Variants in USP32 observed in about 807,000 individuals in gnomAD.
The protein encoded by USP32 is ubiquitin specific peptidase 32.
A neutral mutation model predicts 204.8 loss-of-function variants in USP32; 59 were observed. The observed-to-expected ratio is 0.29, with a 90% CI of 0.23 to 0.36. The LOEUF is 0.36. Ranked by LOEUF, USP32 falls within the 10% of genes least tolerant of loss-of-function variation. The pLI, the probability that USP32 is intolerant of heterozygous loss-of-function variation, is 1.00. For synonymous variants in USP32, 517 were observed against 678.4 expected, an observed-to-expected ratio of 0.76 and a Z score of 3.70; for missense variants, 1,160 against 1,946.4, an observed-to-expected ratio of 0.60 and a Z score of 7.60.
chr17:60,222,742 C>A (rs1009984094), intron 14 of USP32, among the ~76,000 whole-genome samples, 193 bp from the exon 15 acceptor site: 1 of 143,116 alleles, frequency 7.0e-6, no homozygotes, highest in Non-Finnish European at 1.5e-5. Context: ...AGTACAGTGG[C>A]GCGATCTTCG....
chr17:60,294,408 G>A (rs2145869417), intron 4 of USP32, among the ~76,000 whole-genome samples: 1 of 152,038 alleles, frequency 6.6e-6, no homozygotes, highest in Non-Finnish European at 1.5e-5. Context: ...GTGTGTGTGT[G>A]TATTACTGTG....
chr17:60,410,064 G>T (rs2090006533), intron 1 of USP32, among the ~76,000 whole-genome samples: 1 of 152,106 alleles, frequency 6.6e-6, no homozygotes. Context: ...TTAAAATTAT[G>T]GTTCAGAAGT....
intron 6 of USP32, 87 bp downstream of exon 6, chr17:60,271,263 T>TA: frequency 6.7e-7 from 1 of 1,501,506 alleles, no homozygotes; most frequent in Non-Finnish European, 9.0e-7. Context: ...GATGGTTTCT[T>TA]AGAGTTAAAA....
intron 13 of USP32, among the ~76,000 whole-genome samples, chr17:60,224,943 G>T (rs1361881608): frequency 1.3e-5 from 2 of 152,170 alleles, no homozygotes; most frequent in Non-Finnish European, 2.9e-5. Flanking sequence ...AAGGCCTAAA[G>T]GGAATTATGG....
At chr17:60,183,064 T>C (rs1309678191) in intron 31 of USP32, 101 bp downstream of exon 31, 1 of 1,476,200 alleles carries the variant, frequency 6.8e-7, no homozygotes. Context: ...GATAGGTTCT[T>C]TCCACCCAAC....
intron 1 of USP32, among the ~76,000 whole-genome samples, chr17:60,367,040 G>A (rs1345806729): frequency 6.6e-6 from 1 of 152,048 alleles, no homozygotes; most frequent in Non-Finnish European, 1.5e-5. Flanking sequence ...TGTTAGCCAG[G>A]ATGGTCTCAA....
In USP32 at chr17:60,226,705, G is replaced by A. The variant is rs1432932217; in HGVS notation, c.1240-474C>T. Among the ~76,000 whole-genome samples, 5 of 152,102 alleles carry A rather than the reference G, an allele frequency of 3.3e-5. No individual in the cohort carries two copies. In the East Asian group the frequency reaches 7.7e-4, roughly 23 times the overall value. On this transcript the variant is annotated intron_variant, in intron 12 of 33. Coordinates refer to ENST00000300896, the MANE Select transcript of USP32 (RefSeq NM_032582.4). ...TTTAGTTCTTATGACTGAAAAATAT[G>A]TATATATGTAAAAGATGAGTGGTGT...
At chr17:60,309,799 A>G (rs1360594174) in intron 2 of USP32, among the ~76,000 whole-genome samples, 1 of 151,706 alleles carries the variant, frequency 6.6e-6, no homozygotes, top group East Asian at 2.0e-4. Context: ...TAATCCCAGC[A>G]CCTTCAGAGG....
At chr17:60,289,570 TTTC>T (rs2087217166) in intron 4 of USP32, among the ~76,000 whole-genome samples, 1 of 152,216 alleles carries the variant, frequency 6.6e-6, no homozygotes, top group Non-Finnish European at 1.5e-5. Flanking sequence ...GTTTCTTTGC[TTTC>T]TTTCCAGGTA....
At chr17:60,377,711 A>G (rs1239803804) in intron 1 of USP32, among the ~76,000 whole-genome samples, 7 of 152,200 alleles carry the variant, frequency 4.6e-5, no homozygotes, top group African/African-American at 1.2e-4. Flanking sequence ...TACAGATATC[A>G]TTTCCTCTTA....
intron 1 of USP32, among the ~76,000 whole-genome samples, chr17:60,355,215 A>C (rs976884672): frequency 2.0e-5 from 3 of 152,216 alleles, no homozygotes; most frequent in African/African-American, 7.2e-5. Context: ...TGATTCCCCA[A>C]GTTCTAGAAC....
At chr17:60,311,525 A>G (rs1304493633) in intron 2 of USP32, among the ~76,000 whole-genome samples, 1 of 152,148 alleles carries the variant, frequency 6.6e-6, no homozygotes, top group African/African-American at 2.4e-5. Context: ...TAAGAGGTCA[A>G]AAAAGGGTAG....
upstream of USP32, among the ~76,000 whole-genome samples, chr17:60,393,847 G>C (rs980832968): frequency 6.6e-6 from 1 of 152,114 alleles, no homozygotes; most frequent in East Asian, 1.9e-4. Flanking sequence ...ACCATGCCTG[G>C]CTAATTTTGT....
chr17:60,222,751 C>A (rs1478525114), intron 14 of USP32, among the ~76,000 whole-genome samples: 2 of 141,594 alleles, frequency 1.4e-5, no homozygotes, highest in East Asian at 2.1e-4. Context: ...GCGCGATCTT[C>A]GCTTGCTGCA....
rs572626378 is a variant in USP32 at position 60,346,115 on chromosome 17, AT to A, written c.59-508del. Reference sequence around the variant, plus strand: ...AAATCTAATTTAGAAAATAAGTATAATTTTTTTTTTTTAAGAGATGGGTCTC... The same window carrying A: ...AAATCTAATTTAGAAAATAAGTATAATTTTTTTTTTTAAGAGATGGGTCTC... On this transcript the variant is annotated intron_variant, in intron 1 of 33. Transcript: ENST00000300896. 3.4e-3 allele frequency among the ~76,000 whole-genome samples: 504 copies of A among 148,116 alleles called. 6 individuals carry two copies. The highest frequency in any genetic ancestry group is 8.3e-3 in the African/African-American group (338 of 40,700).
intron 12 of USP32, among the ~76,000 whole-genome samples, chr17:60,227,589 T>C (rs1170196393): frequency 1.3e-5 from 2 of 151,594 alleles, no homozygotes. Context: ...TTTCTTTTTT[T>C]TTTTTTTGAG....
chr17:60,373,390 C>T (rs184598021), intron 1 of USP32, among the ~76,000 whole-genome samples: 1 of 151,664 alleles, frequency 6.6e-6, no homozygotes, highest in Admixed American at 6.6e-5. Flanking sequence ...AATTCGGTTA[C>T]ACCAAATTTA....
intron 1 of USP32, among the ~76,000 whole-genome samples, chr17:60,411,336 T>TAAATAAAG (rs2090016718): frequency 6.8e-6 from 1 of 146,340 alleles, no homozygotes; most frequent in African/African-American, 2.5e-5. Flanking sequence ...AATAAATAAA[T>TAAATAAAG]AAATAAATAA....
chr17:60,349,862 C>G (rs996585925), intron 1 of USP32, among the ~76,000 whole-genome samples: 3 of 150,472 alleles, frequency 2.0e-5, no homozygotes, highest in African/African-American at 7.3e-5. Context: ...AATGTTCCTA[C>G]AGATCCATAT....
Sources: gnomAD v4.1 joint callset for allele counts (sites outside exome capture counted in the v4.1 genomes callset) on GRCh38, gnomAD v4.1.1 for gene constraint, MANE v1.5 for transcripts, NCBI Gene and HGNC (gene_info 2026-07-23, HGNC 2026-07-21) for gene names.